TLN2: variants seen among roughly 807,000 people sequenced by gnomAD.
TLN2 encodes the protein talin-2.
A neutral mutation model predicts 294.7 loss-of-function variants in TLN2; 118 were observed. The ratio of observed to expected loss-of-function variants is 0.40; its 90% CI spans 0.34 to 0.47. The LOEUF (loss-of-function observed/expected upper bound fraction) is 0.47, where lower values mean the gene tolerates loss of function less well. TLN2 is among the 20% of genes least tolerant of loss of function. TLN2 has a pLI of 0.84. For synonymous variants in TLN2, 1,431 were observed against 1,304.5 expected, an observed-to-expected ratio of 1.10 and a Z score of -2.09; for missense variants, 3,083 against 3,282.2, an observed-to-expected ratio of 0.94 and a Z score of 1.48.
intron 9 of TLN2, among the ~76,000 whole-genome samples, chr15:62,663,437 T>C (rs2054139661): frequency 6.6e-6 from 1 of 150,864 alleles, no homozygotes; most frequent in African/African-American, 2.5e-5. Flanking sequence ...TCCTAATGAG[T>C]GCAATAAGGA....
intron 28 of TLN2, among the ~76,000 whole-genome samples, chr15:62,733,011 T>C (rs28757767): frequency 0.26 from 39,884 of 152,032 alleles, 5,351 homozygotes; most frequent in African/African-American, 0.32. Context: ...ATGATACAGA[T>C]TTGAAAATTA....
chr15:62,490,431 A>G (rs144750827), intron 1 of TLN2, among the ~76,000 whole-genome samples: 54 of 152,344 alleles, frequency 3.5e-4, no homozygotes, highest in Non-Finnish European at 4.9e-4. Context: ...GGCCTTCAGC[A>G]CATCCCAAAG....
chr15:62,495,812 G>A (rs965658137), intron 1 of TLN2, among the ~76,000 whole-genome samples: 1 of 152,118 alleles, frequency 6.6e-6, no homozygotes, highest in African/African-American at 2.4e-5. Context: ...GTACTTTGCA[G>A]CAAGGTGGGG....
At chr15:62,584,076 G>T (rs1460118717) in intron 1 of TLN2, among the ~76,000 whole-genome samples, 1 of 152,106 alleles carries the variant, frequency 6.6e-6, no homozygotes, top group African/African-American at 2.4e-5. Context: ...GAATGTAGTG[G>T]TACAAAATGA....
Position 62,620,135 on chromosome 15 carries a change from C to T in TLN2, c.-37+1660C>T, listed in dbSNP as rs185832176. Among the ~76,000 whole-genome samples, 78 of 152,158 alleles carry T rather than the reference C, an allele frequency of 5.1e-4. 1 individual carries two copies. Among genetic ancestry groups the T allele is most frequent in the Non-Finnish European group, 9.3e-4 (63 of 68,006 alleles). On this transcript the variant is annotated intron_variant, in intron 3 of 58. Transcript: ENST00000636159. Reference sequence around the variant, plus strand: ...GGACTACAGCTGGGTTCCACCACACCGGCTATTTTTTTTATTTTTATTTTT... The same window carrying T: ...GGACTACAGCTGGGTTCCACCACACTGGCTATTTTTTTTATTTTTATTTTT...
intron 1 of TLN2, among the ~76,000 whole-genome samples, chr15:62,427,832 C>T (rs1329400162): frequency 6.6e-6 from 1 of 152,158 alleles, no homozygotes; most frequent in Non-Finnish European, 1.5e-5. Context: ...TTGGCTGTTG[C>T]CCTCCAAACT....
chr15:62,543,251 C>A (rs375863342), intron 1 of TLN2, among the ~76,000 whole-genome samples: 1 of 152,204 alleles, frequency 6.6e-6, no homozygotes, highest in African/African-American at 2.4e-5. Flanking sequence ...TTGCCCACAT[C>A]ATCAAATTGT....
chr15:62,742,025 GT>G (rs2140972325), intron 32 of TLN2, among the ~76,000 whole-genome samples: 2 of 30,374 alleles, frequency 6.6e-5, no homozygotes, highest in African/African-American at 2.2e-4. Flanking sequence ...TTGTAGTGGG[GT>G]GTGTGTGTGT....
At position 62,560,606 on chromosome 15, in the gene TLN2, G is replaced by A. The variant is rs187855894; in HGVS notation, c.-237-29081G>A. Among the ~76,000 whole-genome samples the A allele has an allele frequency of 1.6e-3, 242 of 152,320 alleles. 2 individuals carry two copies. Among genetic ancestry groups the A allele is most frequent in the African/African-American group, 4.2e-3 (176 of 41,586 alleles). On this transcript the variant is annotated intron_variant, in intron 1 of 58. Coordinates refer to ENST00000636159, the MANE Select transcript of TLN2 (RefSeq NM_015059.3). ...CTCCCAAAGTGCTGGGATTACAGGC[G>A]TGAGCCATCATGCCTGGCCAATACC...
intron 54 of TLN2, chr15:62,830,492 G>T (rs553507308): frequency 6.6e-6 from 1 of 152,356 alleles, no homozygotes; most frequent in African/African-American, 2.4e-5. Context: ...TTTCCTTCTT[G>T]TGATATGGTT....
intron 51 of TLN2, among the ~76,000 whole-genome samples, chr15:62,808,678 G>A (rs573093307): frequency 3.9e-5 from 6 of 152,182 alleles, no homozygotes; most frequent in South Asian, 4.1e-4. Context: ...GTGTCTTCCC[G>A]CAGTGGTGTC....
intron 1 of TLN2, among the ~76,000 whole-genome samples, chr15:62,414,181 T>A (rs1310054247): frequency 7.2e-5 from 9 of 124,498 alleles, no homozygotes; most frequent in African/African-American, 2.5e-4. Flanking sequence ...TATATATATA[T>A]ATATATATAT....
chr15:62,560,326 C>T (rs1366067971), intron 1 of TLN2, among the ~76,000 whole-genome samples: 3 of 152,116 alleles, frequency 2.0e-5, no homozygotes, highest in African/African-American at 7.2e-5. Context: ...CTGCAACCTC[C>T]ACCTCCCGGG....
intron 43 of TLN2, among the ~76,000 whole-genome samples, chr15:62,777,440 G>A (rs186563651): frequency 1.3e-5 from 2 of 151,784 alleles, no homozygotes; most frequent in African/African-American, 4.8e-5. Context: ...GGAGGCTGAG[G>A]CAGGAGAATC....
intron 1 of TLN2, among the ~76,000 whole-genome samples, chr15:62,482,501 G>A (rs962941612): frequency 2.0e-5 from 3 of 151,730 alleles, no homozygotes; most frequent in Non-Finnish European, 4.4e-5. Flanking sequence ...ACTCAGGAGG[G>A]GGGAGGCAGG....
intron 50 of TLN2, among the ~76,000 whole-genome samples, chr15:62,804,078 A>G (rs560155634): frequency 1.3e-5 from 2 of 152,302 alleles, no homozygotes; most frequent in South Asian, 4.1e-4. Flanking sequence ...ATCCAGAAGA[A>G]TTATCTGGAT....
intron 32 of TLN2, among the ~76,000 whole-genome samples, chr15:62,741,748 C>CGCGTGTGTGT: frequency 3.1e-5 from 4 of 131,072 alleles, no homozygotes; most frequent in Admixed American, 7.8e-5. Context: ...AAAATTTGCG[C>CGCGTGTGTGT]GTGTGTGTGT....
At chr15:62,560,883 G>A (rs936870344) in intron 1 of TLN2, among the ~76,000 whole-genome samples, 2 of 152,234 alleles carry the variant, frequency 1.3e-5, no homozygotes, top group African/African-American at 4.8e-5. Context: ...AACCGAGGCA[G>A]CTGGAGCCAG....
At chr15:62,694,255 G>A (rs1251639713) in intron 13 of TLN2, 61 bp from the exon 14 acceptor site, 1 of 1,504,148 alleles carries the variant, frequency 6.6e-7, no homozygotes, top group Non-Finnish European at 9.2e-7. Flanking sequence ...GGGATTAGAG[G>A]CGTGAGCCAC....
Sources: allele counts gnomAD v4.1 joint callset (sites outside exome capture counted in the v4.1 genomes callset), GRCh38; gene constraint gnomAD v4.1.1; transcripts MANE v1.5; gene names NCBI Gene and HGNC (gene_info 2026-07-23, HGNC 2026-07-21).